Variants in KCND3 observed in about 807,000 individuals in gnomAD.
KCND3 encodes potassium voltage-gated channel subfamily D member 3.
In KCND3, 9 loss-of-function variants were observed where a neutral mutation model predicts 51.1. The observed-to-expected ratio is 0.18, with a 90% CI of 0.11 to 0.31. KCND3 has a LOEUF of 0.31. KCND3 is among the 10% of genes least tolerant of loss of function. The pLI, the probability that KCND3 is intolerant of heterozygous loss-of-function variation, is 1.00. For missense variants in KCND3, 526 were observed against 903.8 expected (o/e 0.58, Z 5.36); for synonymous variants, 349 against 368.0 (o/e 0.95, Z 0.59).
At chr1:111,965,523 C>T (rs1673934889) in intron 2 of KCND3, among the ~76,000 whole-genome samples, 2 of 141,414 alleles carry the variant, frequency 1.4e-5, no homozygotes, top group African/African-American at 5.2e-5. Flanking sequence ...TGAGTCTCTC[C>T]TCCAACTTCC....
chr1:111,829,863 GA>G (rs1666754760), intron 2 of KCND3, among the ~76,000 whole-genome samples: 5 of 152,166 alleles, frequency 3.3e-5, no homozygotes, highest in Non-Finnish European at 7.4e-5. Flanking sequence ...CCGACTGCCT[GA>G]GGTGGAAGCT....
intron 2 of KCND3, among the ~76,000 whole-genome samples, chr1:111,978,788 T>A (rs1231118701): frequency 6.6e-6 from 1 of 152,176 alleles, no homozygotes; most frequent in Non-Finnish European, 1.5e-5. Context: ...TAGAAGGGAC[T>A]GAGAATAGTA....
At chr1:111,963,907 C>T (rs1673815695) in intron 2 of KCND3, among the ~76,000 whole-genome samples, 1 of 152,232 alleles carries the variant, frequency 6.6e-6, no homozygotes. Context: ...CTAAGCAAAA[C>T]CTCAGCTTCT....
chr1:111,982,781 G>T lies in KCND3; in HGVS notation c.-55C>A. 1 of 1,560,320 alleles carries T rather than the reference G, an allele frequency of 6.4e-7. No individual in the cohort carries two copies. The highest frequency in any genetic ancestry group is 1.2e-5 in the South Asian group (1 of 86,630). ...CGCGGACGCTAGGCACACCAGCTTG[G>T]AGTTAGTTCAGCAAACCCTGGGAGA... On this transcript the variant is annotated 5_prime_UTR_variant, in exon 2 of 8. Transcript: ENST00000302127. This position sits in a 1 kb window ranked among gnomAD's most constrained non-coding sequence, Gnocchi z 8.5.
intron 2 of KCND3, among the ~76,000 whole-genome samples, chr1:111,826,690 G>T (rs544290923): frequency 1.3e-5 from 2 of 152,336 alleles, no homozygotes; most frequent in South Asian, 4.1e-4. Flanking sequence ...TTCATTCAGG[G>T]TTTCAATAGG....
At chr1:111,859,744 C>T (rs1211764516) in intron 2 of KCND3, among the ~76,000 whole-genome samples, 2 of 152,184 alleles carry the variant, frequency 1.3e-5, no homozygotes, top group Non-Finnish European at 2.9e-5. Flanking sequence ...GAAAGCTGAG[C>T]CCTATTAAAA....
chr1:111,864,599 G>C (rs553692168), intron 2 of KCND3, among the ~76,000 whole-genome samples: 1 of 152,154 alleles, frequency 6.6e-6, no homozygotes, highest in Non-Finnish European at 1.5e-5. Flanking sequence ...TATTTGCCTA[G>C]CTGTCCTCAT....
At chr1:111,931,610 C>T (rs1671975642) in intron 2 of KCND3, among the ~76,000 whole-genome samples, 1 of 152,200 alleles carries the variant, frequency 6.6e-6, no homozygotes, top group Admixed American at 6.5e-5. Flanking sequence ...TCCATTTCCT[C>T]ATCTGTAAAA....
chr1:111,791,764 A>C (rs1206288499), intron 2 of KCND3, among the ~76,000 whole-genome samples: 1 of 152,242 alleles, frequency 6.6e-6, no homozygotes, highest in Non-Finnish European at 1.5e-5. Context: ...GGGTGAAACC[A>C]ACCAGATTAA....
At chr1:111,964,554 A>T (rs1229950333) in intron 2 of KCND3, among the ~76,000 whole-genome samples, 1 of 152,172 alleles carries the variant, frequency 6.6e-6, no homozygotes, top group Admixed American at 6.5e-5. Context: ...CAGCCAGGTG[A>T]CCACAATGGG....
chr1:111,810,107 T>C (rs1665783162), intron 2 of KCND3, among the ~76,000 whole-genome samples: 2 of 152,232 alleles, frequency 1.3e-5, no homozygotes, highest in Admixed American at 6.5e-5. Flanking sequence ...CCCAGGATCA[T>C]GGAACAGGAG....
intron 2 of KCND3, among the ~76,000 whole-genome samples, chr1:111,924,407 G>A (rs115641801): frequency 0.012 from 1,773 of 152,344 alleles, 17 homozygotes; most frequent in Non-Finnish European, 0.018. Context: ...AAGCAGAGAT[G>A]GAGCTTCATC....
intron 2 of KCND3, among the ~76,000 whole-genome samples, chr1:111,902,304 T>C (rs1272479279): frequency 6.6e-6 from 1 of 152,122 alleles, no homozygotes; most frequent in African/African-American, 2.4e-5. Flanking sequence ...GAGGAGGACG[T>C]GACTTAACAA....
chr1:111,844,109 A>T (rs1667446805), intron 2 of KCND3, among the ~76,000 whole-genome samples: 1 of 152,096 alleles, frequency 6.6e-6, no homozygotes, highest in African/African-American at 2.4e-5. Flanking sequence ...GTCTCTCAGG[A>T]TGGGAGCAAG....
At chr1:111,924,732 A>G (rs1671625211) in intron 2 of KCND3, among the ~76,000 whole-genome samples, 1 of 152,152 alleles carries the variant, frequency 6.6e-6, no homozygotes, top group African/African-American at 2.4e-5. Context: ...GACATAACAG[A>G]CTGGCTTGTC....
At chr1:111,783,981 CA>C (rs1175622618) in intron 3 of KCND3, among the ~76,000 whole-genome samples, 3 of 151,860 alleles carry the variant, frequency 2.0e-5, no homozygotes, top group African/African-American at 7.3e-5. Flanking sequence ...AAATGGTTGC[CA>C]GGGGTTAGGG....
intron 2 of KCND3, among the ~76,000 whole-genome samples, chr1:111,963,833 G>A (rs1480031478): frequency 6.6e-6 from 1 of 152,234 alleles, no homozygotes; most frequent in Non-Finnish European, 1.5e-5. Flanking sequence ...TAGGCAGGCT[G>A]CACTGCCTCT....
At chr1:111,788,249 A>C (rs1290954760) in intron 2 of KCND3, among the ~76,000 whole-genome samples, 1 of 152,166 alleles carries the variant, frequency 6.6e-6, no homozygotes, top group Non-Finnish European at 1.5e-5. Context: ...AGCTGTGATT[A>C]CTCCTTCGGC....
chr1:111,915,534 C>G (rs889921429), intron 2 of KCND3, among the ~76,000 whole-genome samples: 1 of 151,926 alleles, frequency 6.6e-6, no homozygotes, highest in Non-Finnish European at 1.5e-5. Flanking sequence ...GGGAGGATCA[C>G]GAGGTCAGGA....
Sources: allele counts gnomAD v4.1 joint callset (sites outside exome capture counted in the v4.1 genomes callset), GRCh38; gene constraint gnomAD v4.1.1; non-coding constraint Gnocchi (gnomAD v3.1); transcripts MANE v1.5; gene names NCBI Gene and HGNC (gene_info 2026-07-23, HGNC 2026-07-21).